The following SDC1 variants were observed in gnomAD, a reference collection of about 807,000 sequenced individuals.
The protein encoded by SDC1 is syndecan 1.
SDC1 carries 14 observed loss-of-function variants against 29.7 expected under a neutral mutation model. The ratio of observed to expected loss-of-function variants is 0.47; its 90% CI spans 0.31 to 0.74. The LOEUF (loss-of-function observed/expected upper bound fraction) is 0.74, where lower values mean the gene tolerates loss of function less well. Among genes scored for constraint, SDC1 ranks in the 30% least tolerant of loss-of-function variants. The pLI, the probability that SDC1 is intolerant of heterozygous loss-of-function variation, is 0.05. For missense variants in SDC1, 406 were observed against 400.3 expected (o/e 1.01, Z -0.12); for synonymous variants, 204 against 175.5 (o/e 1.16, Z -1.29).
At position 20,202,588 on chromosome 2, in the gene SDC1, A is replaced by T; in HGVS notation, c.*178T>A. On this transcript the variant is annotated 3_prime_UTR_variant, in exon 5 of 5. Coordinates refer to ENST00000254351, the MANE Select transcript of SDC1 (RefSeq NM_002997.5). ...CCCTAAGTCTCCAGGCAGAAGTCAG[A>T]GAAGCAGAGTGGAGCTCCCAGCACA... The T allele has an allele frequency of 6.0e-6, 4 of 662,310 alleles. No individual in the cohort carries two copies. In the South Asian group the frequency reaches 7.6e-5, roughly 13 times the overall value. 41.0% of individuals were successfully genotyped at this position (662,310 alleles called of 1,614,324 possible).
Position 20,224,793 on chromosome 2 carries a change from C to T in SDC1, c.66+9G>A. ...GCCGCCTCCCCGCCTGGCCGCCGGC[C>T]GCACTCACCGGCAGGGCCGGCTGCA... On this transcript the variant is annotated intron_variant, in intron 1 of 4. Coordinates refer to ENST00000254351, the MANE Select transcript of SDC1 (RefSeq NM_002997.5). This position sits in a 1 kb window ranked among gnomAD's most constrained non-coding sequence, Gnocchi z 4.9. The T allele has an allele frequency of 4.6e-6, 6 of 1,306,468 alleles. No individual in the cohort carries two copies. Among genetic ancestry groups the T allele is most frequent in the Admixed American group, 3.6e-5 (1 of 28,028 alleles). 80.9% of individuals were successfully genotyped at this position (1,306,468 alleles called of 1,614,324 possible). A position where few individuals can be genotyped will look rare whatever the true frequency, so the allele number is the denominator to read the frequency against.
intron 1 of SDC1, among the ~76,000 whole-genome samples, chr2:20,219,146 G>T (rs897574503): frequency 6.6e-6 from 1 of 151,918 alleles, no homozygotes; most frequent in African/African-American, 2.4e-5. Flanking sequence ...GATTTCCCAC[G>T]GCACACCCCC....
chr2:20,203,766 T>C, intron 3 of SDC1, 47 bp downstream of exon 3: 1 of 1,383,858 alleles, frequency 7.2e-7, no homozygotes, highest in Non-Finnish European at 9.9e-7. Context: ...GTGCCAGGCA[T>C]TAGGACCAAC....
chr2:20,222,392 T>A (rs561008170), intron 1 of SDC1, among the ~76,000 whole-genome samples: 6 of 152,240 alleles, frequency 3.9e-5, no homozygotes, highest in Admixed American at 2.6e-4. Context: ...GGGAAGGCAG[T>A]GCATGCCCCC....
chr2:20,210,007 C>G lies in SDC1; in HGVS notation c.67-4583G>C, dbSNP rs184742758. ...ACCCTGAATCACTGACATTGGTCACCTGCTGCTTGAAGTGAGTGATGGGTA... is the reference window on the plus strand; with the variant it reads ...ACCCTGAATCACTGACATTGGTCACGTGCTGCTTGAAGTGAGTGATGGGTA... On this transcript the variant is annotated intron_variant, in intron 1 of 4. Coordinates refer to ENST00000254351, the MANE Select transcript of SDC1 (RefSeq NM_002997.5). Among the ~76,000 whole-genome samples, 106 of 152,342 alleles carry G rather than the reference C, an allele frequency of 7.0e-4. 2 individuals carry two copies. Among genetic ancestry groups the G allele is most frequent in the African/African-American group, 2.5e-3 (106 of 41,578 alleles).
rs552131545 is a variant in SDC1, at chr2:20,206,171, A to G, written c.67-747T>C. Among the ~76,000 whole-genome samples, 16 of 152,344 alleles carry G rather than the reference A, an allele frequency of 1.1e-4. No homozygotes were observed. In the South Asian group the frequency reaches 3.3e-3, roughly 32 times the overall value. ...GGACAGGGTGTCCATCAGGCTGGGG[A>G]CATATAAGGCTAATCTGGAAGGGGC... On this transcript the variant is annotated intron_variant, in intron 1 of 4. Transcript: ENST00000254351.
chr2:20,225,122 G>A lies in SDC1; in HGVS notation c.-255C>T. Reference sequence around the variant, plus strand: ...ACCCACAGGCCCTTCCTTAGCCGTTGCAAAAACTGGCCCCCCACCCCCAGC... The same window carrying A: ...ACCCACAGGCCCTTCCTTAGCCGTTACAAAAACTGGCCCCCCACCCCCAGC... On this transcript the variant is annotated 5_prime_UTR_variant, in exon 1 of 5. Transcript: ENST00000254351. 3.2e-6 allele frequency: 1 copy of A among 308,532 alleles called. No individual in the cohort carries two copies. Among genetic ancestry groups the A allele is most frequent in the Non-Finnish European group, 5.6e-6 (1 of 178,154 alleles). The allele number at this position is 308,532 out of a possible 1,614,324, so 19.1% of individuals were successfully genotyped here. A position where few individuals can be genotyped will look rare whatever the true frequency, so the allele number is the denominator to read the frequency against.
intron 1 of SDC1, among the ~76,000 whole-genome samples, chr2:20,210,346 C>T (rs528714962): frequency 4.6e-5 from 7 of 152,214 alleles, no homozygotes; most frequent in South Asian, 2.1e-4. Flanking sequence ...GGTCCTGGCC[C>T]GGCAGAGCTC....
chr2:20,211,384 C>T (rs1309894767), intron 1 of SDC1, among the ~76,000 whole-genome samples: 2 of 152,204 alleles, frequency 1.3e-5, no homozygotes, highest in East Asian at 3.8e-4. Context: ...GCAACAGAGC[C>T]CTGTGAACAA....
chr2:20,205,324 G>A lies in SDC1; in HGVS notation c.148+19C>T, dbSNP rs749303731. The stretch of plus-strand genomic sequence containing the variant: ...CCTGTTGCCGTCTTGGGTGGGGGGG[G>A]CCCCCATGACAACCTCACCTGCACC... On this transcript the variant is annotated intron_variant, in intron 2 of 4. Coordinates refer to ENST00000254351, the MANE Select transcript of SDC1 (RefSeq NM_002997.5). The A allele has an allele frequency of 1.0e-5, 16 of 1,602,786 alleles. No individual in the cohort carries two copies. The highest frequency in any genetic ancestry group is 1.3e-5 in the Non-Finnish European group (15 of 1,170,458).
In SDC1 at chr2:20,204,742, C is replaced by A. The variant is rs77861349; in HGVS notation, c.149-451G>T. 2.2e-3 allele frequency among the ~76,000 whole-genome samples: 338 copies of A among 152,308 alleles called. 4 individuals are homozygous for A. Among genetic ancestry groups the A allele is most frequent in the Admixed American group, 0.017 (262 of 15,304 alleles). Reference sequence around the variant, plus strand: ...CAGCTCTCAGGCCTCCGCTAGGTCACTTCCCCAGGGATGACCTCAGCCTCC... The same window carrying A: ...CAGCTCTCAGGCCTCCGCTAGGTCAATTCCCCAGGGATGACCTCAGCCTCC... On this transcript the variant is annotated intron_variant, in intron 2 of 4. Transcript: ENST00000254351.
At position 20,203,126 on chromosome 2, in the gene SDC1, C is replaced by A; in HGVS notation, c.724G>T (p.Ala242Ser). The A allele has an allele frequency of 2.5e-6, 4 of 1,611,756 alleles. No individual in the cohort carries two copies. The highest frequency in any genetic ancestry group is 3.4e-6 in the Non-Finnish European group (4 of 1,178,478). ...TTCCTGTCCAGGAGGCCCTGTGAGG[C>A]CCCCGTGGCCCCCTGATCCACTGGG... ...QSPVDQGATG[A>S]SQGLLDRKEV... Residue 242 changes from alanine to serine, a missense_variant, in exon 4 of 5, where the codon GCC becomes TCC. By Grantham distance (99) the Ala-to-Ser change is moderately conservative. Coordinates refer to ENST00000254351, the MANE Select transcript of SDC1 (RefSeq NM_002997.5).
chr2:20,219,928 G>A (rs910193170), intron 1 of SDC1, among the ~76,000 whole-genome samples: 1 of 152,144 alleles, frequency 6.6e-6, no homozygotes, highest in Non-Finnish European at 1.5e-5. Flanking sequence ...CATGCTGCCC[G>A]CCTCCCAGGC....
At position 20,203,982 on chromosome 2, in the gene SDC1, G is replaced by A. The variant is rs141699589; in HGVS notation, c.458C>T (p.Pro153Leu). The change falls in exon 3 of 5, where the codon CCC becomes CTC. Residue 153 changes from proline (P) to leucine (L), a missense_variant. Physicochemically the swap from Pro to Leu is moderately conservative, Grantham distance 98 (BLOSUM62 -3). Transcript: ENST00000254351. ...TTAQEPATSH[P>L]HRDMQPGHHE... ...GTGGCCAGGCTGCATGTCCCTGTGG[G>A]GGTGGGAGGTGGCGGGCTCCTGGGC... 1.9e-6 allele frequency: 3 copies of A among 1,613,854 alleles called. No individual in the cohort carries two copies. The highest frequency in any genetic ancestry group is 1.7e-5 in the Admixed American group (1 of 60,000).
At chr2:20,214,695 T>C (rs1677577538) in intron 1 of SDC1, among the ~76,000 whole-genome samples, 1 of 152,154 alleles carries the variant, frequency 6.6e-6, no homozygotes, top group Admixed American at 6.5e-5. Context: ...GCCACATGCC[T>C]TGCCCAGAGC....
chr2:20,210,632 G>A (rs1329549730), intron 1 of SDC1, among the ~76,000 whole-genome samples: 1 of 152,198 alleles, frequency 6.6e-6, no homozygotes, highest in African/African-American at 2.4e-5. Context: ...GAAATCCCCG[G>A]CTTCTGTGGG....
chr2:20,223,063 A>C, intron 1 of SDC1: 1 of 365,908 alleles, frequency 2.7e-6, no homozygotes, highest in East Asian at 7.3e-5. Flanking sequence ...TGGACCTGAA[A>C]GCCAGGAGTG....
At chr2:20,203,274 C>G (rs1040747604) in intron 3 of SDC1, 52 bp from the exon 4 acceptor site, 1 of 1,557,696 alleles carries the variant, frequency 6.4e-7, no homozygotes, top group African/African-American at 1.4e-5. Flanking sequence ...CCAGCAGCAG[C>G]AACCAGCTCC....
At position 20,202,157 on chromosome 2, in the gene SDC1, A is replaced by G. The variant is rs530328995; in HGVS notation, c.*609T>C. The G allele has an allele frequency of 1.7e-3, 1,050 of 624,344 alleles. No individual in the cohort carries two copies. Among genetic ancestry groups the G allele is most frequent in the Non-Finnish European group, 2.2e-3 (739 of 342,394 alleles). 38.7% of individuals were successfully genotyped at this position (624,344 alleles called of 1,614,324 possible). A position where few individuals can be genotyped will look rare whatever the true frequency, so the allele number is the denominator to read the frequency against. ...GCTGTCTCCCGACCATAGATTAGGG[A>G]AGCAAGATGGGGGGATACCGAATCA... On this transcript the variant is annotated 3_prime_UTR_variant, in exon 5 of 5. Transcript: ENST00000254351.
Sources: allele counts gnomAD v4.1 joint callset (sites outside exome capture counted in the v4.1 genomes callset), GRCh38; gene constraint gnomAD v4.1.1; non-coding constraint Gnocchi (gnomAD v3.1); transcripts MANE v1.5; gene names NCBI Gene and HGNC (gene_info 2026-07-23, HGNC 2026-07-21).